The following ZNF493 variants were observed in gnomAD, a reference collection of about 807,000 sequenced individuals.
ZNF493 encodes the protein zinc finger protein 493.
ZNF493 carries 11 observed loss-of-function variants against 12.2 expected under a neutral mutation model. The ratio of observed to expected loss-of-function variants is 0.90; its 90% CI spans 0.57 to 1.50. The LOEUF is 1.50. ZNF493 is among the 40% of genes most tolerant of loss of function. ZNF493 has a pLI of 0.00. For missense variants in ZNF493, 950 were observed against 906.6 expected, an observed-to-expected ratio of 1.05 and a Z score of -0.61; for synonymous variants, 286 against 302.6, an observed-to-expected ratio of 0.95 and a Z score of 0.57.
intron 3 of ZNF493, among the ~76,000 whole-genome samples, chr19:21,419,422 G>A (rs1033200283): frequency 1.3e-4 from 20 of 152,164 alleles, no homozygotes; most frequent in African/African-American, 4.8e-4. Flanking sequence ...ATGATCACAA[G>A]GTCCCACAAC....
intron 3 of ZNF493, among the ~76,000 whole-genome samples, chr19:21,415,743 C>T (rs539974647): frequency 2.6e-5 from 4 of 152,226 alleles, no homozygotes; most frequent in Admixed American, 6.5e-5. Context: ...CCAATGAAAA[C>T]GCTTAGCAGG....
Position 21,425,320 on chromosome 19 carries a change from C to A in ZNF493, c.*336C>A. The A allele has an allele frequency of 2.4e-6, 1 of 424,498 alleles. No homozygotes were observed. The highest frequency in any genetic ancestry group is 2.0e-5 in the African/African-American group (1 of 49,054). 26.3% of individuals were successfully genotyped at this position (424,498 alleles called of 1,614,324 possible). On this transcript the variant is annotated 3_prime_UTR_variant, in exon 4 of 4. Coordinates refer to ENST00000392288, the MANE Select transcript of ZNF493 (RefSeq NM_001076678.3). Reference sequence around the variant, plus strand: ...TTTAACCACTTCTCAACCCTGCCTACACGTAAGATAATTCATACTGGAAGG... The same window carrying A: ...TTTAACCACTTCTCAACCCTGCCTAAACGTAAGATAATTCATACTGGAAGG...
chr19:21,412,158 T>A (rs1252659800), intron 3 of ZNF493: 1 of 152,178 alleles, frequency 6.6e-6, no homozygotes, highest in African/African-American at 2.4e-5. Context: ...AACAGAGATT[T>A]ACCCACATAT....
At chr19:21,415,744 G>C (rs558089521) in intron 3 of ZNF493, among the ~76,000 whole-genome samples, 1 of 152,210 alleles carries the variant, frequency 6.6e-6, no homozygotes, top group African/African-American at 2.4e-5. Context: ...CAATGAAAAC[G>C]CTTAGCAGGC....
chr19:21,414,847 A>AT (rs1000996560), intron 3 of ZNF493, among the ~76,000 whole-genome samples: 1 of 152,200 alleles, frequency 6.6e-6, no homozygotes, highest in Non-Finnish European at 1.5e-5. Flanking sequence ...ACATTTAGTT[A>AT]TTTTAGGGAG....
intron 3 of ZNF493, chr19:21,407,584 C>T: frequency 3.1e-6 from 3 of 975,862 alleles, no homozygotes; most frequent in Non-Finnish European, 3.7e-6. Flanking sequence ...CCACCATGCC[C>T]AGCCTAATAA....
In ZNF493 at chr19:21,424,188, T is replaced by G; in HGVS notation, c.1529T>G (p.Ile510Ser). Residue 510 changes from isoleucine (I) to serine (S), a missense_variant, in exon 4 of 4, where the codon ATT becomes AGT. Ile to Ser is a moderately radical substitution (Grantham distance 142). Transcript: ENST00000392288. The part of the protein sequence containing the change: ...QSSTLSIHKI[I>S]HTGEKPYKCE... ...TCAACCCTTAGTATACATAAAATAA[T>G]TCATACTGGAGAAAAACCCTACAAA... The G allele has an allele frequency of 6.2e-7, 1 of 1,613,504 alleles. No individual in the cohort carries two copies. The highest frequency in any genetic ancestry group is 2.2e-5 in the East Asian group (1 of 44,810).
intron 3 of ZNF493, chr19:21,413,337 A>G: frequency 2.5e-6 from 1 of 395,408 alleles, no homozygotes; most frequent in Non-Finnish European, 4.5e-6. Flanking sequence ...AGATAGATAA[A>G]TATGCCCAAT....
chr19:21,411,899 A>G (rs573788279), intron 3 of ZNF493: 2 of 152,154 alleles, frequency 1.3e-5, no homozygotes, highest in South Asian at 4.1e-4. Flanking sequence ...ATTGCATTAA[A>G]TCTGTAGATT....
intron 1 of ZNF493, among the ~76,000 whole-genome samples, chr19:21,400,458 CTG>C (rs2029901649): frequency 6.6e-6 from 1 of 151,922 alleles, no homozygotes; most frequent in South Asian, 2.1e-4. Flanking sequence ...TATGTGAACA[CTG>C]TGTTTCAGTA....
rs920644724 is a variant in ZNF493 at position 21,408,903 on chromosome 19, G to C, written c.253+3047G>C. ...TTTCTTTTTTTTTTTTTTTTTTTAAGGTGGAGTCTCGCTCTGTCGCCCAGG... is the reference window on the plus strand; with the variant it reads ...TTTCTTTTTTTTTTTTTTTTTTTAACGTGGAGTCTCGCTCTGTCGCCCAGG... On this transcript the variant is annotated intron_variant, in intron 3 of 3. Transcript: ENST00000392288. 14 of 697,154 alleles carry C rather than the reference G, an allele frequency of 2.0e-5. No individual in the cohort carries two copies. In the African/African-American group the frequency reaches 2.8e-4, roughly 14 times the overall value. The allele number at this position is 697,154 out of a possible 1,614,324, so 43.2% of individuals were successfully genotyped here. A position where few individuals can be genotyped will look rare whatever the true frequency, so the allele number is the denominator to read the frequency against.
intron 3 of ZNF493, among the ~76,000 whole-genome samples, chr19:21,421,711 A>G (rs1158990677): frequency 2.0e-5 from 3 of 152,144 alleles, no homozygotes; most frequent in East Asian, 1.9e-4. Flanking sequence ...GTTACCTGTC[A>G]CAATCTTTGT....
At chr19:21,418,926 C>A (rs1449282738) in intron 3 of ZNF493, among the ~76,000 whole-genome samples, 8 of 152,152 alleles carry the variant, frequency 5.3e-5, no homozygotes, top group African/African-American at 1.9e-4. Flanking sequence ...GCGTTATGGC[C>A]ATCATGAACA....
rs1410610939 is a variant in ZNF493 at position 21,424,886 on chromosome 19, T to C, written c.2227T>C (p.Cys743Arg). The change falls in exon 4 of 4, where the codon TGT becomes CGT. Residue 743 changes from cysteine (C) to arginine (R), a missense_variant. Physicochemically the swap from Cys to Arg is radical, Grantham distance 180. Transcript: ENST00000392288. ...TCATACTGGAGACAAACCCTACAAA[T>C]GTGAAGCATGTGGCAAAGCTTTTAG... ...LIHTGDKPYK[C>R]EACGKAFRRS... 6.2e-7 allele frequency: 1 copy of C among 1,613,410 alleles called. No individual in the cohort carries two copies. The highest frequency in any genetic ancestry group is 8.5e-7 in the Non-Finnish European group (1 of 1,179,622).
At chr19:21,406,037 A>G (rs760087491) in intron 3 of ZNF493, among the ~76,000 whole-genome samples, 181 bp downstream of exon 3, 51 of 151,984 alleles carry the variant, frequency 3.4e-4, no homozygotes, top group Admixed American at 6.6e-5. Context: ...ACTGGCCAAC[A>G]TGGTGTAAAC....
chr19:21,422,530 T>G (rs529337646), intron 3 of ZNF493, among the ~76,000 whole-genome samples: 1 of 151,248 alleles, frequency 6.6e-6, no homozygotes, highest in African/African-American at 2.4e-5. Flanking sequence ...TGGTGCAATC[T>G]TGGTTCACTG....
At chr19:21,413,690 G>A in intron 3 of ZNF493, 1 of 401,548 alleles carries the variant, frequency 2.5e-6, no homozygotes, top group Non-Finnish European at 4.3e-6. Flanking sequence ...ATTTTGGCCT[G>A]GAGGAACACA....
rs2030030438 is a variant in ZNF493 at position 21,403,864 on chromosome 19, C to T, written c.31-1265C>T. On this transcript the variant is annotated intron_variant, in intron 1 of 3. Coordinates refer to ENST00000392288, the MANE Select transcript of ZNF493 (RefSeq NM_001076678.3). ...CTCCTATATCCCAGAACCTTCTCTACACTCTCTAAATCATGGCTTCTTATA... is the reference window on the plus strand; with the variant it reads ...CTCCTATATCCCAGAACCTTCTCTATACTCTCTAAATCATGGCTTCTTATA... 1.3e-5 allele frequency among the ~76,000 whole-genome samples: 2 copies of T among 151,844 alleles called. 1 individual carries two copies. The highest frequency in any genetic ancestry group is 4.2e-4 in the South Asian group (2 of 4,808).
chr19:21,424,608 T>C lies in ZNF493; in HGVS notation c.1949T>C (p.Ile650Thr). The C allele has an allele frequency of 6.2e-7, 1 of 1,613,296 alleles. No homozygotes were observed. The highest frequency in any genetic ancestry group is 8.5e-7 in the Non-Finnish European group (1 of 1,179,744). ...RSSHLAGHKQ[I>T]HSVQKPYKCE... Reference sequence around the variant, plus strand: ...TCACACCTCGCTGGGCACAAGCAAATTCATAGTGTACAAAAACCCTACAAA... The same window carrying C: ...TCACACCTCGCTGGGCACAAGCAAACTCATAGTGTACAAAAACCCTACAAA... The change falls in exon 4 of 4, where the codon ATT becomes ACT. Residue 650 changes from isoleucine (I) to threonine (T), a missense_variant. Physicochemically the swap from Ile to Thr is moderately conservative, Grantham distance 89. Coordinates refer to ENST00000392288, the MANE Select transcript of ZNF493 (RefSeq NM_001076678.3).
Sources: allele counts gnomAD v4.1 joint callset (sites outside exome capture counted in the v4.1 genomes callset), GRCh38; gene constraint gnomAD v4.1.1; transcripts MANE v1.5; gene names NCBI Gene and HGNC (gene_info 2026-07-23, HGNC 2026-07-21).